Variants in TENM1 observed in about 807,000 individuals in gnomAD.
TENM1 encodes the protein teneurin transmembrane protein 1, also known as teneurin-1.
Under a neutral mutation model 174.8 loss-of-function variants are expected in TENM1, and 35 were observed. That is an observed-to-expected ratio of 0.20 (90% CI 0.15 to 0.27). The LOEUF (loss-of-function observed/expected upper bound fraction) is 0.27. Among genes scored for constraint, TENM1 ranks in the 10% least tolerant of loss-of-function variants. TENM1 has a pLI of 1.00. For synonymous variants in TENM1, 781 were observed against 798.7 expected, an observed-to-expected ratio of 0.98 and a Z score of 0.37; for missense variants, 1,633 against 2,130.1, an observed-to-expected ratio of 0.77 and a Z score of 4.59.
intron 3 of TENM1, among the ~76,000 whole-genome samples, chrX:124,757,182 CA>C (rs1486271539): frequency 8.9e-6 from 1 of 112,727 alleles, no homozygotes; most frequent in Admixed American, 9.3e-5. Context: ...TTTACCTAAG[CA>C]AGCCTGGGCA....
At chrX:124,832,914 G>T in intron 3 of TENM1, among the ~76,000 whole-genome samples, 1 of 112,099 alleles carries the variant, frequency 8.9e-6, no homozygotes, top group Middle Eastern at 4.7e-3. Flanking sequence ...TAGTAAGTAT[G>T]CAATAAACCT....
At chrX:125,203,463 G>A in the TENM1 span, among the ~76,000 whole-genome samples, 1 of 112,542 alleles carries the variant, frequency 8.9e-6, no homozygotes, top group Non-Finnish European at 1.9e-5. Flanking sequence ...TGAAGGAGTT[G>A]GTTGGTAAAA....
At chrX:124,662,111 T>G (rs1262821772) in intron 6 of TENM1, among the ~76,000 whole-genome samples, 4 of 111,137 alleles carry the variant, frequency 3.6e-5, no homozygotes, top group African/African-American at 1.3e-4. Context: ...ATCTTCTTTC[T>G]TACTCATACT....
the TENM1 span, among the ~76,000 whole-genome samples, chrX:125,159,125 C>T: frequency 4.5e-5 from 5 of 111,372 alleles, no homozygotes; most frequent in Non-Finnish European, 7.5e-5. Context: ...TACTATAGCC[C>T]ACAAATGGTC....
chrX:124,669,557 T>C (rs2051870226), intron 6 of TENM1, among the ~76,000 whole-genome samples: 1 of 104,766 alleles, frequency 9.5e-6, no homozygotes, highest in Admixed American at 1.0e-4. Flanking sequence ...CATATGGCAT[T>C]AAAAAAAAAA....
chrX:125,078,515 AT>A, the TENM1 span, among the ~76,000 whole-genome samples: 1 of 111,347 alleles, frequency 9.0e-6, no homozygotes, highest in Non-Finnish European at 1.9e-5. Flanking sequence ...AATAGGTGTT[AT>A]TATAATTAGT....
chrX:125,175,750 G>C, the TENM1 span, among the ~76,000 whole-genome samples: 3 of 110,520 alleles, frequency 2.7e-5, no homozygotes, highest in Admixed American at 2.9e-4. Context: ...GAAAAAATAA[G>C]GGGAGGCGAA....
At chrX:125,051,829 C>A in the TENM1 span, among the ~76,000 whole-genome samples, 3 of 103,637 alleles carry the variant, frequency 2.9e-5, no homozygotes, top group Admixed American at 1.0e-4. Flanking sequence ...GCAACAAAAG[C>A]CAAAATTGAC....
the TENM1 span, among the ~76,000 whole-genome samples, chrX:124,989,104 A>G: frequency 4.5e-5 from 5 of 111,623 alleles, no homozygotes; most frequent in South Asian, 1.5e-3. Flanking sequence ...GATTTTTAAG[A>G]AGGAAATAAA....
At chrX:124,597,506 T>A (rs760302801) in intron 11 of TENM1, among the ~76,000 whole-genome samples, 5 of 109,588 alleles carry the variant, frequency 4.6e-5, no homozygotes, top group Non-Finnish European at 9.5e-5. Context: ...TATAACGGAG[T>A]ATGGGGACTT....
At chrX:124,770,636 T>G (rs920825952) in intron 3 of TENM1, among the ~76,000 whole-genome samples, 1 of 110,526 alleles carries the variant, frequency 9.0e-6, no homozygotes, top group Admixed American at 9.7e-5. Context: ...CTCAAACTCC[T>G]AGGCTCAAGC....
the TENM1 span, among the ~76,000 whole-genome samples, chrX:125,031,139 T>C: frequency 8.2e-5 from 9 of 109,964 alleles, no homozygotes; most frequent in African/African-American, 3.0e-4. Context: ...GTCCCCAGTG[T>C]CCATTGTTCT....
At position 124,572,751 on chromosome X, in the gene TENM1, C is replaced by CT. The variant is rs982496360; in HGVS notation, c.2078-7192dup. 1.2e-4 allele frequency among the ~76,000 whole-genome samples: 13 copies of CT among 109,899 alleles called. No homozygotes were observed. In the South Asian group the frequency reaches 2.7e-3, roughly 23 times the overall value. ...TGGGGACAGCAAATTAGAACACGTA[C>CT]TTTTTTTTTCTAAATAAAAGGTTCC... On this transcript the variant is annotated intron_variant, in intron 11 of 31. Transcript: ENST00000422452.
chrX:124,541,678 C>T (rs1269774136), intron 15 of TENM1, among the ~76,000 whole-genome samples: 1 of 112,223 alleles, frequency 8.9e-6, no homozygotes, highest in Non-Finnish European at 1.9e-5. Context: ...AAAATCATAA[C>T]TAAGCTACTC....
At chrX:124,826,111 A>G (rs2056154495) in intron 3 of TENM1, among the ~76,000 whole-genome samples, 1 of 111,751 alleles carries the variant, frequency 8.9e-6, no homozygotes. Flanking sequence ...GAAGTGCTCA[A>G]TGTAGAATTA....
intron 25 of TENM1, among the ~76,000 whole-genome samples, chrX:124,408,780 T>C (rs1260192168): frequency 9.7e-6 from 1 of 102,870 alleles, no homozygotes; most frequent in African/African-American, 3.6e-5. Context: ...TAACTCGTCA[T>C]TTAACATTAG....
At chrX:124,962,137 G>A (rs2058663642) in intron 1 of TENM1, among the ~76,000 whole-genome samples, 1 of 111,805 alleles carries the variant, frequency 8.9e-6, no homozygotes, top group South Asian at 3.8e-4. Flanking sequence ...GTTTAGAGGT[G>A]TCAGTGTATT....
chrX:124,621,855 C>T lies in TENM1; in HGVS notation c.2077+19936G>A, dbSNP rs374513844. Among the ~76,000 whole-genome samples, 32 of 112,068 alleles carry T rather than the reference C, an allele frequency of 2.9e-4. No homozygotes were observed. The East Asian group carries it at 3.4e-3, about 12-fold the overall frequency. Reference sequence around the variant, plus strand: ...ATTTCCAATTTTAAAGTATTTGGCCCTGATACTAAAAATGGAGAAATGCTT... The same window carrying T: ...ATTTCCAATTTTAAAGTATTTGGCCTTGATACTAAAAATGGAGAAATGCTT... On this transcript the variant is annotated intron_variant, in intron 11 of 31. Coordinates refer to ENST00000422452, the Ensembl canonical transcript of TENM1.
intron 6 of TENM1, 148 bp from the exon 10 acceptor site, chrX:124,653,931 A>T: frequency 2.1e-6 from 1 of 486,982 alleles, no homozygotes; most frequent in Non-Finnish European, 3.4e-6. Context: ...GGCCTTGCCC[A>T]AATTAAATAT....
Sources: gnomAD v4.1 joint callset for allele counts (sites outside exome capture counted in the v4.1 genomes callset) on GRCh38, gnomAD v4.1.1 for gene constraint, MANE v1.5 for transcripts, NCBI Gene and HGNC (gene_info 2026-07-23, HGNC 2026-07-21) for gene names.